ROBO2: variants seen among roughly 807,000 people sequenced by gnomAD.
ROBO2 encodes roundabout homolog 2.
A neutral mutation model predicts 160.8 loss-of-function variants in ROBO2; 53 were observed. The ratio of observed to expected loss-of-function variants is 0.33; its 90% confidence interval spans 0.26 to 0.41. The LOEUF (loss-of-function observed/expected upper bound fraction) is 0.41. Among genes scored for constraint, ROBO2 ranks in the 10% least tolerant of loss-of-function variants. The pLI is 1.00. For synonymous variants in ROBO2, 664 were observed against 611.7 expected (o/e 1.09, Z -1.26); for missense variants, 1,577 against 1,722.4 (o/e 0.92, Z 1.49).
intron 2 of ROBO2, among the ~76,000 whole-genome samples, chr3:76,062,924 A>G (rs2068115869): frequency 6.6e-6 from 1 of 152,188 alleles, no homozygotes. Flanking sequence ...GGAGAAAATT[A>G]TGCCTACTGA....
At chr3:76,050,998 G>A (rs2107814730) in intron 2 of ROBO2, among the ~76,000 whole-genome samples, 1 of 152,140 alleles carries the variant, frequency 6.6e-6, no homozygotes, top group East Asian at 1.9e-4. Flanking sequence ...CCTGTGATGA[G>A]TTTATCCTAC....
intron 2 of ROBO2, among the ~76,000 whole-genome samples, chr3:77,469,578 T>C (rs1157034973): frequency 6.6e-6 from 1 of 152,178 alleles, no homozygotes; most frequent in Non-Finnish European, 1.5e-5. Context: ...TTTAATATGA[T>C]ATACCTATAA....
intron 2 of ROBO2, among the ~76,000 whole-genome samples, chr3:76,740,499 G>A (rs1390734499): frequency 1.3e-5 from 2 of 152,106 alleles, no homozygotes; most frequent in Non-Finnish European, 2.9e-5. Context: ...TTAAAAGCTT[G>A]ACCGATGTGT....
In ROBO2 at chr3:76,685,917, T is replaced by C. The variant is rs80054713; in HGVS notation, c.110-412097T>C. Among the ~76,000 whole-genome samples, 6 of 152,284 alleles carry C rather than the reference T, an allele frequency of 3.9e-5. No homozygotes were observed. The East Asian group carries it at 1.2e-3, about 29-fold the overall frequency. ...TAGCAGAGAGTATGCATCCTTTCTA[T>C]GTATCCTTTCTTGGCTTTGCTTAAC... On this transcript the variant is annotated intron_variant, in intron 2 of 26. Coordinates refer to the ROBO2 transcript ENST00000487694.
chr3:76,449,103 A>G (rs1408487720), intron 2 of ROBO2, among the ~76,000 whole-genome samples: 2 of 152,172 alleles, frequency 1.3e-5, no homozygotes, highest in African/African-American at 4.8e-5. Context: ...CCATTCATGT[A>G]ATGGAACAGG....
At chr3:76,073,458 AT>A (rs2068538722) in intron 2 of ROBO2, among the ~76,000 whole-genome samples, 3 of 150,746 alleles carry the variant, frequency 2.0e-5, no homozygotes, top group Admixed American at 2.0e-4. Context: ...CGCCCGGCTA[AT>A]TTTTTGTATT....
At chr3:76,398,039 G>A (rs2077570912) in intron 2 of ROBO2, among the ~76,000 whole-genome samples, 1 of 151,994 alleles carries the variant, frequency 6.6e-6, no homozygotes, top group African/African-American at 2.4e-5. Flanking sequence ...TGTTTATTGT[G>A]GCACTATTCA....
chr3:76,743,147 C>T (rs1181312430), intron 2 of ROBO2, among the ~76,000 whole-genome samples: 1 of 152,096 alleles, frequency 6.6e-6, no homozygotes, highest in Non-Finnish European at 1.5e-5. Context: ...AAGTCTTGGG[C>T]TTCACTGTGA....
At chr3:76,902,769 AG>A (rs2075324229) in intron 2 of ROBO2, among the ~76,000 whole-genome samples, 2 of 152,008 alleles carry the variant, frequency 1.3e-5, no homozygotes, top group Admixed American at 1.3e-4. Flanking sequence ...ATTTTATAAA[AG>A]TTTATTTGGT....
rs371544448 is a variant in ROBO2 at position 76,034,210 on chromosome 3, A to G, written c.109+96608A>G. On this transcript the variant is annotated intron_variant, in intron 2 of 26. Transcript: ENST00000487694. The stretch of plus-strand genomic sequence containing the variant: ...AATATCATTTTGCTTTGAATAAGGC[A>G]GGAGCATGGATTTTAAGTTTTTCTC... Among the ~76,000 whole-genome samples the G allele has an allele frequency of 4.6e-5, 7 of 152,302 alleles. No individual in the cohort carries two copies. The East Asian group carries it at 1.2e-3, about 25-fold the overall frequency.
intron 2 of ROBO2, among the ~76,000 whole-genome samples, chr3:76,630,751 A>G (rs2089982250): frequency 6.6e-6 from 1 of 152,188 alleles, no homozygotes; most frequent in South Asian, 2.1e-4. Flanking sequence ...AATATCTTTT[A>G]AAAAATAAAT....
At chr3:76,493,337 T>TTATATATATATATATATATATA (rs57835432) in intron 2 of ROBO2, among the ~76,000 whole-genome samples, 1,851 of 104,282 alleles carry the variant, frequency 0.018, 36 homozygotes, top group Non-Finnish European at 0.025. Flanking sequence ...AGACAAAAAA[T>TTATATATATATATATATATATA]TATATATATA....
chr3:76,112,856 A>G (rs889050187), intron 2 of ROBO2, among the ~76,000 whole-genome samples: 6 of 152,080 alleles, frequency 3.9e-5, no homozygotes, highest in African/African-American at 1.4e-4. Context: ...TTGATTTAGC[A>G]GGCAAAATCA....
intron 2 of ROBO2, among the ~76,000 whole-genome samples, chr3:76,101,096 G>A (rs943956334): frequency 2.6e-5 from 4 of 152,046 alleles, no homozygotes; most frequent in Admixed American, 1.3e-4. Context: ...GCAAGAAAAC[G>A]TGTAACAGGG....
chr3:76,590,072 C>T (rs2086317529), intron 2 of ROBO2, among the ~76,000 whole-genome samples: 1 of 151,868 alleles, frequency 6.6e-6, no homozygotes, highest in Non-Finnish European at 1.5e-5. Flanking sequence ...TTTAAAAGAA[C>T]TAAATAAAAA....
At chr3:76,499,402 C>A (rs1227872371) in intron 2 of ROBO2, among the ~76,000 whole-genome samples, 5 of 152,188 alleles carry the variant, frequency 3.3e-5, no homozygotes, top group South Asian at 2.1e-4. Flanking sequence ...CAGCCCTAAG[C>A]TTTGCTTCTC....
At position 77,282,953 on chromosome 3, in the gene ROBO2, CTGCT is replaced by C. The variant is rs2060337298; in HGVS notation, c.388+184615_388+184618del. 4.7e-5 allele frequency among the ~76,000 whole-genome samples: 6 copies of C among 126,472 alleles called. No individual in the cohort carries two copies. The Admixed American group carries it at 5.4e-4, about 11-fold the overall frequency. The allele number at this position is 126,472 out of a possible 152,430, so 83.0% of individuals were successfully genotyped here. A position where few individuals can be genotyped will look rare whatever the true frequency, so the allele number is the denominator to read the frequency against. On this transcript the variant is annotated intron_variant, in intron 2 of 25. Coordinates refer to ENST00000461745, the Ensembl canonical transcript of ROBO2. ...AATAACTGATGGCATAAAGAGGCTT[CTGCT>C]TTTAAAAAAAAAAAAAATATTTGCT...
intron 2 of ROBO2, among the ~76,000 whole-genome samples, chr3:76,750,594 C>G (rs1421816146): frequency 6.6e-6 from 1 of 152,006 alleles, no homozygotes; most frequent in Non-Finnish European, 1.5e-5. Flanking sequence ...GCAACTTCAG[C>G]AAAGTCAGGA....
At chr3:77,228,601 A>T (rs749838182) in intron 2 of ROBO2, among the ~76,000 whole-genome samples, 2 of 152,018 alleles carry the variant, frequency 1.3e-5, no homozygotes, top group Non-Finnish European at 2.9e-5. Context: ...GGGTTGGGGA[A>T]AGGGGAGGGG....
Sources: gnomAD v4.1 joint callset for allele counts (sites outside exome capture counted in the v4.1 genomes callset) on GRCh38, gnomAD v4.1.1 for gene constraint, MANE v1.5 for transcripts, NCBI Gene and HGNC (gene_info 2026-07-23, HGNC 2026-07-21) for gene names.